TLN2: variants seen among roughly 807,000 people sequenced by gnomAD.
TLN2 encodes the protein talin 2.
In TLN2, 118 loss-of-function variants were observed where a neutral mutation model predicts 294.7. That is an observed-to-expected ratio of 0.40 (90% CI 0.34 to 0.47). The LOEUF (loss-of-function observed/expected upper bound fraction) is 0.47, where lower values mean the gene tolerates loss of function less well. Ranked by LOEUF, TLN2 falls within the 20% of genes least tolerant of loss-of-function variation. TLN2 has a pLI of 0.84. For synonymous variants in TLN2, 1,431 were observed against 1,304.5 expected (o/e 1.10, Z -2.09); for missense variants, 3,083 against 3,282.2 (o/e 0.94, Z 1.48).
intron 2 of TLN2, among the ~76,000 whole-genome samples, chr15:62,591,864 A>G (rs916507194): frequency 2.0e-5 from 3 of 152,182 alleles, no homozygotes; most frequent in Non-Finnish European, 4.4e-5. Context: ...TCCTGACCAG[A>G]GGACCGTCTG....
intron 1 of TLN2, among the ~76,000 whole-genome samples, chr15:62,494,321 G>A (rs1040013031): frequency 2.6e-5 from 4 of 152,040 alleles, no homozygotes; most frequent in Non-Finnish European, 4.4e-5. Flanking sequence ...GGTCTCGGGG[G>A]CTTTAAACAA....
At chr15:62,819,080 G>A (rs1016904739) in intron 52 of TLN2, among the ~76,000 whole-genome samples, 1 of 151,882 alleles carries the variant, frequency 6.6e-6, no homozygotes, top group Non-Finnish European at 1.5e-5. Flanking sequence ...GGCTGGTCTT[G>A]AACTCCTGGG....
chr15:62,578,821 AG>A (rs1235897223), intron 1 of TLN2, among the ~76,000 whole-genome samples: 1 of 152,134 alleles, frequency 6.6e-6, no homozygotes, highest in Non-Finnish European at 1.5e-5. Flanking sequence ...TGAGGCATGG[AG>A]GACTTAGTCA....
At chr15:62,391,001 A>G (rs1434194307) in intron 1 of TLN2, among the ~76,000 whole-genome samples, 2 of 152,222 alleles carry the variant, frequency 1.3e-5, no homozygotes, top group Non-Finnish European at 1.5e-5. Flanking sequence ...CAGAGAGCGG[A>G]TTCCTGGCCG....
In TLN2 at chr15:62,607,511, C is replaced by G. The variant is rs376179054; in HGVS notation, c.-161-10840C>G. On this transcript the variant is annotated intron_variant, in intron 2 of 58. Transcript: ENST00000636159. ...AGTTGGGAGCATATTGGCTGCTATT[C>G]TTTAGCAAAGCCTCCAGAATGGGTG... is the stretch of plus-strand genomic sequence containing the variant. Among the ~76,000 whole-genome samples the G allele has an allele frequency of 1.2e-4, 18 of 152,302 alleles. No individual in the cohort carries two copies. In the South Asian group the frequency reaches 3.5e-3, roughly 30 times the overall value.
At chr15:62,806,918 T>C (rs1490062983) in intron 51 of TLN2, among the ~76,000 whole-genome samples, 1 of 152,126 alleles carries the variant, frequency 6.6e-6, no homozygotes, top group East Asian at 1.9e-4. Context: ...CCAACTCTTA[T>C]GGCTTCTTGG....
intron 3 of TLN2, among the ~76,000 whole-genome samples, chr15:62,633,125 T>C (rs2050066318): frequency 6.6e-6 from 1 of 152,236 alleles, no homozygotes; most frequent in Non-Finnish European, 1.5e-5. Context: ...TAGTTAATTT[T>C]GTTAGGTGGT....
intron 16 of TLN2, among the ~76,000 whole-genome samples, chr15:62,699,278 C>T (rs1595708543): frequency 6.6e-6 from 1 of 152,176 alleles, no homozygotes; most frequent in Admixed American, 6.5e-5. Context: ...GCTCAGTAAG[C>T]ATTAGCTGTT....
chr15:62,506,342 G>T (rs2039622119), intron 1 of TLN2, among the ~76,000 whole-genome samples: 1 of 152,202 alleles, frequency 6.6e-6, no homozygotes, highest in Admixed American at 6.5e-5. Flanking sequence ...GTGATGAGGG[G>T]CAGAGAGTGA....
At chr15:62,821,010 G>A (rs1234778073) in intron 54 of TLN2, among the ~76,000 whole-genome samples, 1 of 152,214 alleles carries the variant, frequency 6.6e-6, no homozygotes, top group Admixed American at 6.5e-5. Context: ...AGAGGGCAAT[G>A]AGAACTTCAA....
chr15:62,677,805 A>AATTTTTTTTTTTT (rs1555466874), intron 11 of TLN2, among the ~76,000 whole-genome samples: 4 of 11,150 alleles, frequency 3.6e-4, no homozygotes, highest in Non-Finnish European at 1.2e-3. Flanking sequence ...AGCACTTGCA[A>AATTTTTTTTTTTT]CTTTTTTTTT....
At chr15:62,556,899 A>T (rs1167607304) in intron 1 of TLN2, among the ~76,000 whole-genome samples, 2 of 152,220 alleles carry the variant, frequency 1.3e-5, no homozygotes, top group East Asian at 1.9e-4. Context: ...TTTGATAAGA[A>T]AGTATCAAAT....
intron 1 of TLN2, among the ~76,000 whole-genome samples, chr15:62,495,956 A>AC (rs1435929649): frequency 1.3e-5 from 2 of 152,116 alleles, no homozygotes; most frequent in Non-Finnish European, 2.9e-5. Flanking sequence ...AAAAAAAAAA[A>AC]AACAAAAACC....
intron 11 of TLN2, among the ~76,000 whole-genome samples, chr15:62,682,470 G>A (rs1041206292): frequency 3.9e-5 from 6 of 152,138 alleles, no homozygotes; most frequent in African/African-American, 1.4e-4. Context: ...TCAGTGGCTA[G>A]GAAATGTGCT....
intron 1 of TLN2, among the ~76,000 whole-genome samples, chr15:62,450,198 C>T (rs2036025295): frequency 6.6e-6 from 1 of 152,128 alleles, no homozygotes; most frequent in African/African-American, 2.4e-5. Flanking sequence ...TACTCCTTGC[C>T]TGAAACGTTC....
intron 1 of TLN2, among the ~76,000 whole-genome samples, chr15:62,574,700 G>C (rs1015405508): frequency 2.1e-5 from 3 of 145,152 alleles, no homozygotes; most frequent in Non-Finnish European, 4.5e-5. Flanking sequence ...TTCCAGACTT[G>C]AACTTTAGTT....
chr15:62,651,286 T>C (rs1380077778), intron 5 of TLN2, among the ~76,000 whole-genome samples: 1 of 152,214 alleles, frequency 6.6e-6, no homozygotes, highest in African/African-American at 2.4e-5. Flanking sequence ...GGCATAAGTA[T>C]GACTTCTTTG....
rs555188330 is a variant in TLN2 at position 62,622,331 on chromosome 15, T to C, written c.-37+3856T>C. Among the ~76,000 whole-genome samples the C allele has an allele frequency of 1.4e-4, 22 of 152,134 alleles. No homozygotes were observed. In the South Asian group the frequency reaches 4.6e-3, roughly 32 times the overall value. ...GAGTGTGTGTGTGTATCTGTAAAAGTTGGGGATTTTGTGGGGGATGGTTTC... is the reference window on the plus strand; with the variant it reads ...GAGTGTGTGTGTGTATCTGTAAAAGCTGGGGATTTTGTGGGGGATGGTTTC... On this transcript the variant is annotated intron_variant, in intron 3 of 58. Transcript: ENST00000636159.
At chr15:62,729,276 C>G (rs2060593654) in intron 28 of TLN2, among the ~76,000 whole-genome samples, 1 of 152,200 alleles carries the variant, frequency 6.6e-6, no homozygotes, top group Non-Finnish European at 1.5e-5. Context: ...TGGTAATGCA[C>G]ATCCTCAACT....
Sources: gnomAD v4.1 joint callset for allele counts (sites outside exome capture counted in the v4.1 genomes callset) on GRCh38, gnomAD v4.1.1 for gene constraint, MANE v1.5 for transcripts, NCBI Gene and HGNC (gene_info 2026-07-23, HGNC 2026-07-21) for gene names.